Variants in GPR155 observed in about 807,000 individuals in gnomAD.
GPR155 encodes lysosomal cholesterol signaling protein.
GPR155 carries 65 observed loss-of-function variants against 93.1 expected under a neutral mutation model. The observed-to-expected ratio is 0.70, with a 90% CI of 0.57 to 0.86. The LOEUF is 0.86. Among genes scored for constraint, GPR155 ranks in the 40% least tolerant of loss-of-function variants. The probability of loss-of-function intolerance (pLI) is 0.00; values close to 1 mark genes in which losing one functional copy is unlikely to be tolerated. For synonymous variants in GPR155, 319 were observed against 360.1 expected (o/e 0.89, Z 1.29); for missense variants, 838 against 1,034.8 (o/e 0.81, Z 2.61).
intron 12 of GPR155, 22 bp downstream of exon 12, chr2:174,446,589 C>T: frequency 1.3e-6 from 2 of 1,586,962 alleles, no homozygotes; most frequent in Non-Finnish European, 1.7e-6. Flanking sequence ...GGCCCCAAAA[C>T]AAAACCAGAA....
rs149791163 is a variant in GPR155, at chr2:174,445,145, T to C, written c.2045A>G (p.Asn682Ser). ...AACATAAAGTCTTCCAGGCTCTTGG[T>C]TGAATAGCCACCATAAACAACTGGA... ...NLSSCLWWLF[N>S]QEPGRLYVEL... Residue 682 changes from asparagine to serine, a missense_variant, in exon 13 of 16, where the codon AAC (asparagine) becomes AGC (serine). Asn to Ser is a conservative substitution (Grantham distance 46, BLOSUM62 1). Transcript: ENST00000392552. 1.3e-5 allele frequency: 21 copies of C among 1,592,442 alleles called. No homozygotes were observed. Among genetic ancestry groups the C allele is most frequent in the Non-Finnish European group, 1.7e-5 (20 of 1,160,546 alleles).
chr2:174,446,229 C>T (rs931004324), intron 12 of GPR155, among the ~76,000 whole-genome samples: 2 of 148,210 alleles, frequency 1.3e-5, no homozygotes, highest in East Asian at 2.0e-4. Context: ...ATCGCTTGAA[C>T]CCGGGAGGCA....
chr2:174,436,276 A>G lies in GPR155; in HGVS notation c.2453T>C (p.Ile818Thr), dbSNP rs752050708. The change falls in exon 16 of 16, where the codon ATT becomes ACT. Residue 818 changes from isoleucine to threonine, a missense_variant. This residue lies in a region of GPR155 where 146 missense variants were observed against 177.5 expected (regional missense o/e 0.82). Transcript: ENST00000392552. ...ATCCCGGAATTCATACTCGTTGGTA[A>G]TATGTTGGATGACTCCCCCTTGTAC... ...RLVQGGVIQH[I>T]TNEYEFRDEY... 2 of 1,614,024 alleles carry G rather than the reference A, an allele frequency of 1.2e-6. No homozygotes were observed. The highest frequency in any genetic ancestry group is 1.7e-6 in the Non-Finnish European group (2 of 1,180,010).
chr2:174,457,916 A>G (rs1024464042), intron 10 of GPR155, among the ~76,000 whole-genome samples: 3 of 151,846 alleles, frequency 2.0e-5, no homozygotes, highest in African/African-American at 7.3e-5. Context: ...ACATCCAGCT[A>G]ATTTTTTATT....
chr2:174,441,410 A>G (rs1348241765), intron 14 of GPR155, among the ~76,000 whole-genome samples: 1 of 151,268 alleles, frequency 6.6e-6, no homozygotes, highest in Admixed American at 6.6e-5. Flanking sequence ...AAATATATAT[A>G]TATTTAAAAA....
chr2:174,447,532 AT>A (rs1687176763), intron 11 of GPR155, among the ~76,000 whole-genome samples: 1 of 146,048 alleles, frequency 6.8e-6, no homozygotes, highest in Admixed American at 6.9e-5. Flanking sequence ...ATATAATTAT[AT>A]ATGTAATTTG....
chr2:174,442,408 C>G (rs749899972), intron 13 of GPR155, among the ~76,000 whole-genome samples: 5 of 152,166 alleles, frequency 3.3e-5, no homozygotes, highest in Non-Finnish European at 7.4e-5. Context: ...TGATACAAAC[C>G]AGGGCTGAGC....
chr2:174,445,502 A>G (rs1225187732), intron 12 of GPR155: 1 of 176,468 alleles, frequency 5.7e-6, no homozygotes, highest in Non-Finnish European at 1.2e-5. Context: ...ACACAATGAA[A>G]ACAATTACAT....
At chr2:174,460,115 G>T in intron 9 of GPR155, 27 bp from the exon 10 acceptor site, 2 of 1,501,508 alleles carry the variant, frequency 1.3e-6, no homozygotes, top group South Asian at 1.2e-5. Context: ...AAGATATCAG[G>T]CCACTTTTCA....
rs1443944732 is a variant in GPR155, at chr2:174,446,749, T to A, written c.1877-2A>T. Reference sequence around the variant, plus strand: ...TACAGCGACTCACACAATGATTGTCTATAAAAGAGTAAGCACAACAATTTG... The same window carrying A: ...TACAGCGACTCACACAATGATTGTCAATAAAAGAGTAAGCACAACAATTTG... On this transcript the variant is annotated splice_acceptor_variant, in intron 11 of 15. Coordinates refer to ENST00000392552, the MANE Select transcript of GPR155 (RefSeq NM_152529.7). LOFTEE classifies it high-confidence loss of function. 6.2e-7 allele frequency: 1 copy of A among 1,612,186 alleles called. No homozygotes were observed. The highest frequency in any genetic ancestry group is 8.5e-7 in the Non-Finnish European group (1 of 1,179,390).
At chr2:174,480,147 A>G (rs1433899996) in intron 2 of GPR155, among the ~76,000 whole-genome samples, 1 of 152,220 alleles carries the variant, frequency 6.6e-6, no homozygotes, top group Non-Finnish European at 1.5e-5. Context: ...TGTATCCTTC[A>G]ATAGGCTCAA....
At chr2:174,458,919 C>T (rs1687599728) in intron 10 of GPR155, among the ~76,000 whole-genome samples, 1 of 151,988 alleles carries the variant, frequency 6.6e-6, no homozygotes, top group African/African-American at 2.4e-5. Flanking sequence ...GAAACCCCAT[C>T]TCTACTAAAA....
intron 1 of GPR155, among the ~76,000 whole-genome samples, chr2:174,484,975 G>A (rs1420779266): frequency 3.9e-5 from 6 of 152,184 alleles, no homozygotes; most frequent in Non-Finnish European, 7.4e-5. Flanking sequence ...GCTTATCACA[G>A]AGTAGGCCTT....
At chr2:174,456,829 A>G (rs1041674370) in intron 10 of GPR155, among the ~76,000 whole-genome samples, 1 of 152,206 alleles carries the variant, frequency 6.6e-6, no homozygotes, top group African/African-American at 2.4e-5. Flanking sequence ...AGATTTATAT[A>G]AAAATGTAAA....
intron 11 of GPR155, among the ~76,000 whole-genome samples, chr2:174,450,215 C>T (rs923514345): frequency 2.2e-4 from 33 of 151,298 alleles, no homozygotes; most frequent in Non-Finnish European, 1.2e-4. Flanking sequence ...AGTGAATTAA[C>T]ACAGAAACAG....
At chr2:174,465,072 A>G (rs1237264107) in intron 7 of GPR155, among the ~76,000 whole-genome samples, 2 of 152,218 alleles carry the variant, frequency 1.3e-5, no homozygotes, top group African/African-American at 4.8e-5. Context: ...GCATGCATCC[A>G]CATAAATATT....
At chr2:174,482,222 G>A (rs762221759) in intron 1 of GPR155, among the ~76,000 whole-genome samples, 2 of 152,192 alleles carry the variant, frequency 1.3e-5, no homozygotes, top group Non-Finnish European at 2.9e-5. Flanking sequence ...AGGCAGGTCA[G>A]CTCAAAATAT....
intron 12 of GPR155, among the ~76,000 whole-genome samples, chr2:174,445,772 T>C (rs1226282853): frequency 6.6e-6 from 1 of 152,184 alleles, no homozygotes; most frequent in Non-Finnish European, 1.5e-5. Context: ...AATAAAATAC[T>C]GTATTTTAAT....
chr2:174,440,823 C>T (rs1336667509), intron 14 of GPR155, among the ~76,000 whole-genome samples: 2 of 152,106 alleles, frequency 1.3e-5, no homozygotes, highest in African/African-American at 4.8e-5. Context: ...AAAGAAATCC[C>T]TGATCTTAAT....
Sources: gnomAD v4.1 joint callset for allele counts (sites outside exome capture counted in the v4.1 genomes callset) on GRCh38, gnomAD v4.1.1 for gene constraint, gnomAD v4.1.1 regional missense constraint, MANE v1.5 for transcripts, NCBI Gene and HGNC (gene_info 2026-07-23, HGNC 2026-07-21) for gene names.